The following DDR2 variants were observed in gnomAD, a reference collection of about 807,000 sequenced individuals.
The protein encoded by DDR2 is discoidin domain receptor tyrosine kinase 2.
In DDR2, 27 loss-of-function variants were observed where a neutral mutation model predicts 94.9. That is an observed-to-expected ratio of 0.28 (90% CI 0.21 to 0.39). DDR2 has a LOEUF of 0.39. Ranked by LOEUF, DDR2 falls within the 10% of genes least tolerant of loss-of-function variation. DDR2 has a pLI of 1.00. For missense variants in DDR2, 783 were observed against 1,076.0 expected (o/e 0.73, Z 3.81); for synonymous variants, 382 against 377.2 (o/e 1.01, Z -0.15).
chr1:162,763,336 C>CTTTTTT (rs56323242), intron 9 of DDR2, among the ~76,000 whole-genome samples: 3 of 56,540 alleles, frequency 5.3e-5, no homozygotes, highest in African/African-American at 7.5e-5. Flanking sequence ...CCACGCCCGG[C>CTTTTTT]TTTTTTTTTT....
At chr1:162,640,182 C>CA (rs1452509092) in intron 1 of DDR2, among the ~76,000 whole-genome samples, 2 of 151,922 alleles carry the variant, frequency 1.3e-5, no homozygotes, top group Admixed American at 6.6e-5. Context: ...GCTGGGATTA[C>CA]AGGCGTGTGC....
chr1:162,717,961 T>C (rs1306160877), intron 2 of DDR2, among the ~76,000 whole-genome samples: 8 of 152,212 alleles, frequency 5.3e-5, no homozygotes, highest in Non-Finnish European at 1.2e-4. Flanking sequence ...GGAAGGGAGA[T>C]AGTAATGCTT....
At chr1:162,636,387 T>C (rs1656819973) in intron 1 of DDR2, among the ~76,000 whole-genome samples, 1 of 152,150 alleles carries the variant, frequency 6.6e-6, no homozygotes, top group South Asian at 2.1e-4. Context: ...CTCCTGGAAA[T>C]TGGATATTGT....
At chr1:162,729,298 ATATTTTT>A (rs1308034776) in intron 3 of DDR2, among the ~76,000 whole-genome samples, 1,312 of 34,416 alleles carry the variant, frequency 0.038, 24 homozygotes, top group African/African-American at 0.086. Context: ...ATATATATAT[ATATTTTT>A]TTTTTTTTTT....
chr1:162,735,605 G>C (rs888050442), intron 3 of DDR2, among the ~76,000 whole-genome samples: 3 of 152,142 alleles, frequency 2.0e-5, no homozygotes, highest in Non-Finnish European at 2.9e-5. Context: ...ACAATACATA[G>C]ATCAAAGAGC....
intron 3 of DDR2, among the ~76,000 whole-genome samples, chr1:162,750,709 C>T (rs1309744024): frequency 6.6e-6 from 1 of 152,108 alleles, no homozygotes; most frequent in African/African-American, 2.4e-5. Flanking sequence ...GCCAAAAGAA[C>T]AAAGCTGGAG....
chr1:162,702,184 T>C, intron 2 of DDR2, among the ~76,000 whole-genome samples: 1 of 152,186 alleles, frequency 6.6e-6, no homozygotes, highest in East Asian at 1.9e-4. Flanking sequence ...GTGGCGTTGT[T>C]GTGCATAAAG....
chr1:162,696,057 A>C (rs1660171420), intron 2 of DDR2, among the ~76,000 whole-genome samples: 1 of 152,210 alleles, frequency 6.6e-6, no homozygotes, highest in Non-Finnish European at 1.5e-5. Context: ...GTTGTCTATT[A>C]CTGTGGATTA....
chr1:162,642,199 C>T (rs894818445), intron 1 of DDR2, among the ~76,000 whole-genome samples: 2 of 151,580 alleles, frequency 1.3e-5, no homozygotes, highest in African/African-American at 2.4e-5. Context: ...TCAGGTGATC[C>T]ACCCGCCATG....
chr1:162,761,888 T>C (rs1663764831), intron 9 of DDR2, among the ~76,000 whole-genome samples: 1 of 152,222 alleles, frequency 6.6e-6, no homozygotes, highest in African/African-American at 2.4e-5. Flanking sequence ...CACCCATTCC[T>C]TCCTTTTGGC....
At chr1:162,702,540 T>C (rs954669149) in intron 2 of DDR2, among the ~76,000 whole-genome samples, 2 of 152,234 alleles carry the variant, frequency 1.3e-5, no homozygotes, top group African/African-American at 2.4e-5. Flanking sequence ...TCTTTGAGTA[T>C]GTAGTCTGTT....
rs774154099 is a variant in DDR2 at position 162,780,075 on chromosome 1, C to T, written c.2434-37C>T. The T allele has an allele frequency of 3.7e-6, 6 of 1,613,184 alleles. No homozygotes were observed. The Admixed American group carries it at 5.0e-5, about 13-fold the overall frequency. ...CCCGTCTTTGTAATATTCTCTCTCT[C>T]TCTCTCTTTTGTTTTCCTTTATTTT... On this transcript the variant is annotated intron_variant, in intron 17 of 17. Coordinates refer to ENST00000367921, the MANE Select transcript of DDR2 (RefSeq NM_006182.4).
chr1:162,676,020 G>A (rs1659105380), intron 2 of DDR2, among the ~76,000 whole-genome samples: 1 of 152,088 alleles, frequency 6.6e-6, no homozygotes, highest in South Asian at 2.1e-4. Flanking sequence ...TGTGTTTATA[G>A]GCAAGTGAGT....
At chr1:162,766,682 AC>A (rs1664004119) in intron 10 of DDR2, among the ~76,000 whole-genome samples, 1 of 152,192 alleles carries the variant, frequency 6.6e-6, no homozygotes, top group Admixed American at 6.5e-5. Context: ...ACTCTGTCTG[AC>A]ACATGGAGAG....
chr1:162,733,023 T>A (rs1206726562), intron 3 of DDR2, among the ~76,000 whole-genome samples: 1 of 152,224 alleles, frequency 6.6e-6, no homozygotes, highest in Non-Finnish European at 1.5e-5. Context: ...ACTGGAAAAG[T>A]GAATTGGCTT....
At chr1:162,631,044 C>T (rs751689727), upstream of DDR2, among the ~76,000 whole-genome samples, 16 of 152,046 alleles carry the variant, frequency 1.1e-4, no homozygotes, top group Non-Finnish European at 1.5e-4. Flanking sequence ...CCATGTTCTC[C>T]GTGTCCTTTT....
intron 3 of DDR2, among the ~76,000 whole-genome samples, chr1:162,721,309 AT>A (rs902278998): frequency 1.3e-5 from 2 of 151,634 alleles, no homozygotes; most frequent in Non-Finnish European, 2.9e-5. Flanking sequence ...AGTCATCTTA[AT>A]TTTTTTTTCT....
At chr1:162,748,684 C>A (rs1663016413) in intron 3 of DDR2, among the ~76,000 whole-genome samples, 1 of 152,230 alleles carries the variant, frequency 6.6e-6, no homozygotes, top group East Asian at 1.9e-4. Context: ...CTCTCCACTA[C>A]AAATCAGCAG....
At chr1:162,700,074 A>G (rs1039893068) in intron 2 of DDR2, among the ~76,000 whole-genome samples, 1 of 152,130 alleles carries the variant, frequency 6.6e-6, no homozygotes, top group African/African-American at 2.4e-5. Context: ...GTAGTTACTC[A>G]TGAGAGAGCT....
Sources: allele counts gnomAD v4.1 joint callset (sites outside exome capture counted in the v4.1 genomes callset), GRCh38; gene constraint gnomAD v4.1.1; transcripts MANE v1.5; gene names NCBI Gene and HGNC (gene_info 2026-07-23, HGNC 2026-07-21).